The following TNFSF4 variants were observed in gnomAD, a reference collection of about 807,000 sequenced individuals.
TNFSF4 encodes the protein tumor necrosis factor ligand superfamily member 4.
TNFSF4 carries 4 observed loss-of-function variants against 7.3 expected under a neutral mutation model. That is an observed-to-expected ratio of 0.55 (90% CI 0.27 to 1.25). The LOEUF is 1.25. Ranked by LOEUF, TNFSF4 falls within the 50% of genes most tolerant of loss-of-function variation. TNFSF4 has a pLI of 0.12. For missense variants in TNFSF4, 181 were observed against 208.8 expected, an observed-to-expected ratio of 0.87 and a Z score of 0.82; for synonymous variants, 76 against 83.7, an observed-to-expected ratio of 0.91 and a Z score of 0.50.
At chr1:173,412,650 C>T in the TNFSF4 span, among the ~76,000 whole-genome samples, 1 of 152,150 alleles carries the variant, frequency 6.6e-6, no homozygotes, top group Non-Finnish European at 1.5e-5. Flanking sequence ...GAAAGATCAA[C>T]AGCCAGCCAC....
intron 1 of TNFSF4, among the ~76,000 whole-genome samples, chr1:173,203,897 C>G (rs991318058): frequency 1.3e-5 from 2 of 152,130 alleles, no homozygotes; most frequent in African/African-American, 4.8e-5. Context: ...AGACTGGAAG[C>G]CTGACAATTT....
At chr1:173,425,680 C>A in the TNFSF4 span, among the ~76,000 whole-genome samples, 1 of 152,172 alleles carries the variant, frequency 6.6e-6, no homozygotes, top group South Asian at 2.1e-4. Context: ...AAAAATGCAG[C>A]CCTGTTCAAG....
the TNFSF4 span, among the ~76,000 whole-genome samples, chr1:173,238,353 C>G: frequency 1.3e-5 from 2 of 152,070 alleles, no homozygotes; most frequent in Non-Finnish European, 2.9e-5. Context: ...AAAGATTTCA[C>G]AACAAAAATG....
At chr1:173,376,782 G>A in the TNFSF4 span, among the ~76,000 whole-genome samples, 1 of 152,192 alleles carries the variant, frequency 6.6e-6, no homozygotes, top group Non-Finnish European at 1.5e-5. Flanking sequence ...CACTGTGGAA[G>A]CTTTGTTCTT....
intron 1 of TNFSF4, among the ~76,000 whole-genome samples, chr1:173,206,006 G>A (rs775255910): frequency 2.0e-5 from 3 of 152,178 alleles, no homozygotes; most frequent in South Asian, 2.1e-4. Context: ...CCTGTAGGCA[G>A]AAACAAGCCC....
chr1:173,332,490 C>T, the TNFSF4 span, among the ~76,000 whole-genome samples: 1 of 151,898 alleles, frequency 6.6e-6, no homozygotes, highest in Admixed American at 6.6e-5. Context: ...GAGACTGTGC[C>T]ATTGCACTCC....
chr1:173,403,964 G>T, the TNFSF4 span, among the ~76,000 whole-genome samples: 1 of 152,104 alleles, frequency 6.6e-6, no homozygotes, highest in African/African-American at 2.4e-5. Flanking sequence ...GTGCCTGAAG[G>T]GGGAAATATA....
chr1:173,386,137 C>T, the TNFSF4 span, among the ~76,000 whole-genome samples: 1 of 152,178 alleles, frequency 6.6e-6, no homozygotes, highest in East Asian at 1.9e-4. Context: ...AGAACAGTGG[C>T]AAGTGAGGGG....
chr1:173,418,560 C>T, the TNFSF4 span: 3 of 151,216 alleles, frequency 2.0e-5, no homozygotes, highest in African/African-American at 7.3e-5. Flanking sequence ...AGGAATCTGG[C>T]GAAGCTTGAT....
the TNFSF4 span, among the ~76,000 whole-genome samples, chr1:173,448,761 C>T: frequency 3.3e-5 from 5 of 152,134 alleles, no homozygotes; most frequent in African/African-American, 1.2e-4. Context: ...CGGGGCAGGG[C>T]ATTTTCACTT....
chr1:173,194,452 T>C (rs933141297), intron 1 of TNFSF4, among the ~76,000 whole-genome samples: 6 of 152,302 alleles, frequency 3.9e-5, no homozygotes, highest in African/African-American at 1.4e-4. Flanking sequence ...GAAAAATCAC[T>C]GTAGGCTTTG....
the TNFSF4 span, among the ~76,000 whole-genome samples, chr1:173,275,675 T>C: frequency 2.0e-5 from 3 of 152,094 alleles, no homozygotes; most frequent in East Asian, 5.8e-4. Context: ...TTCACACAAT[T>C]ATAATCCCAA....
the TNFSF4 span, among the ~76,000 whole-genome samples, chr1:173,252,666 A>T: frequency 6.6e-6 from 1 of 152,150 alleles, no homozygotes; most frequent in African/African-American, 2.4e-5. Flanking sequence ...CCAAAGTAGG[A>T]TGTGTGGTTC....
At chr1:173,345,471 C>G in the TNFSF4 span, among the ~76,000 whole-genome samples, 951 of 152,284 alleles carry the variant, frequency 6.2e-3, 14 homozygotes, top group African/African-American at 0.022. Context: ...TGGAGATTTA[C>G]AGCCAAAAAT....
chr1:173,248,724 A>C, the TNFSF4 span, among the ~76,000 whole-genome samples: 9 of 152,214 alleles, frequency 5.9e-5, no homozygotes. Flanking sequence ...TCATGTTACA[A>C]ATTTGGAGCT....
At chr1:173,332,725 C>A in the TNFSF4 span, among the ~76,000 whole-genome samples, 1 of 147,852 alleles carries the variant, frequency 6.8e-6, no homozygotes, top group African/African-American at 2.5e-5. Flanking sequence ...CGTGGTGGCA[C>A]GCACCTGCAG....
At chr1:173,303,202 A>T in the TNFSF4 span, among the ~76,000 whole-genome samples, 1 of 151,836 alleles carries the variant, frequency 6.6e-6, no homozygotes, top group East Asian at 1.9e-4. Flanking sequence ...TGTTGTGCTT[A>T]TCTGGGAGGG....
chr1:173,360,732 G>C, the TNFSF4 span, among the ~76,000 whole-genome samples: 1 of 152,198 alleles, frequency 6.6e-6, no homozygotes, highest in African/African-American at 2.4e-5. Context: ...AGAAACTTCA[G>C]AGCAGGACTC....
At chr1:173,383,085 G>A in the TNFSF4 span, among the ~76,000 whole-genome samples, 1 of 152,182 alleles carries the variant, frequency 6.6e-6, no homozygotes, top group South Asian at 2.1e-4. Context: ...GTTGGGAGAT[G>A]AAATCTTGTC....
Sources: allele counts gnomAD v4.1 joint callset (sites outside exome capture counted in the v4.1 genomes callset), GRCh38; gene constraint gnomAD v4.1.1; transcripts MANE v1.5; gene names NCBI Gene and HGNC (gene_info 2026-07-23, HGNC 2026-07-21).